The following SCAF11 variants were observed in gnomAD, a reference collection of about 807,000 sequenced individuals.
SCAF11 encodes SR-related CTD associated factor 11.
Under a neutral mutation model 140.5 loss-of-function variants are expected in SCAF11, and 47 were observed. The ratio of observed to expected loss-of-function variants is 0.33; its 90% CI spans 0.26 to 0.43. The LOEUF (loss-of-function observed/expected upper bound fraction) is 0.43. Ranked by LOEUF, SCAF11 falls within the 20% of genes least tolerant of loss-of-function variation. The pLI, the probability that SCAF11 is intolerant of heterozygous loss-of-function variation, is 1.00. For missense variants in SCAF11, 1,645 were observed against 1,705.1 expected (o/e 0.96, Z 0.62); for synonymous variants, 557 against 579.4 (o/e 0.96, Z 0.55).
chr12:45,986,854 G>C (rs755801547), intron 1 of SCAF11, among the ~76,000 whole-genome samples: 1 of 151,882 alleles, frequency 6.6e-6, no homozygotes, highest in Non-Finnish European at 1.5e-5. Context: ...TGTAAGAAGT[G>C]CCCTTCTCCT....
At chr12:45,937,373 G>C (rs1945194196) in intron 6 of SCAF11, among the ~76,000 whole-genome samples, 1 of 152,216 alleles carries the variant, frequency 6.6e-6, no homozygotes, top group South Asian at 2.1e-4. Flanking sequence ...TTCAGGCTTT[G>C]AGGATATTAA....
chr12:45,933,162 A>C lies in SCAF11; in HGVS notation c.703T>G (p.Trp235Gly), dbSNP rs1434998795. The C allele has an allele frequency of 1.2e-6, 2 of 1,611,392 alleles. No individual in the cohort carries two copies. Among genetic ancestry groups the C allele is most frequent in the South Asian group, 1.1e-5 (1 of 90,950 alleles). Reference sequence around the variant, plus strand: ...ATTCCAGGTAATGTATCAGGAAACCATGACAATTCCAGTTCATGTCTCTTC... The same window carrying C: ...ATTCCAGGTAATGTATCAGGAAACCCTGACAATTCCAGTTCATGTCTCTTC... The part of the protein sequence containing the change: ...RQKRHELELS[W>G]FPDTLPGIGR... Residue 235 changes from tryptophan (W) to glycine (G), a missense_variant, in exon 9 of 15, where the codon TGG becomes GGG. This residue lies in a region of SCAF11 where 1,582 missense variants were observed against 1,609.2 expected (regional missense o/e 0.98). Coordinates refer to ENST00000369367, the MANE Select transcript of SCAF11 (RefSeq NM_004719.3).
upstream of SCAF11, among the ~76,000 whole-genome samples, chr12:45,991,186 A>AT (rs1410313948): frequency 1.3e-5 from 2 of 152,134 alleles, no homozygotes; most frequent in Non-Finnish European, 2.9e-5. Flanking sequence ...TCTGGTGGGC[A>AT]TTTTTTTAGA....
At chr12:45,960,072 G>A (rs556363887) in intron 3 of SCAF11, among the ~76,000 whole-genome samples, 80 of 152,030 alleles carry the variant, frequency 5.3e-4, no homozygotes, top group Non-Finnish European at 9.9e-4. Context: ...TATTCAACAA[G>A]AGTTAAAAAT....
chr12:45,950,501 CTACTT>C (rs1209436597), intron 4 of SCAF11, among the ~76,000 whole-genome samples: 9 of 152,138 alleles, frequency 5.9e-5, no homozygotes, highest in Non-Finnish European at 1.3e-4. Flanking sequence ...TATTTGGAAT[CTACTT>C]TACACTAATG....
chr12:45,964,454 TC>T (rs1945895761), intron 1 of SCAF11, among the ~76,000 whole-genome samples: 1 of 152,076 alleles, frequency 6.6e-6, no homozygotes, highest in Non-Finnish European at 1.5e-5. Flanking sequence ...GATCACAAGT[TC>T]AGGAGATCGA....
intron 10 of SCAF11, 41 bp from the exon 11 acceptor site, chr12:45,928,900 T>C (rs1301425823): frequency 2.4e-6 from 3 of 1,231,420 alleles, no homozygotes; most frequent in African/African-American, 1.6e-5. Context: ...AAAAATATGT[T>C]TTAAGAAATA....
Position 45,956,296 on chromosome 12 carries a change from A to C in SCAF11, c.220-4569T>G, listed in dbSNP as rs1465520055. Reference sequence around the variant, plus strand: ...CTGTTTGTGGGAATCTCGAACATCTATCTCTCTACTAACAAAATAGAGCAT... The same window carrying C: ...CTGTTTGTGGGAATCTCGAACATCTCTCTCTCTACTAACAAAATAGAGCAT... On this transcript the variant is annotated intron_variant, in intron 3 of 14. Transcript: ENST00000369367. 23 of 635,308 alleles carry C rather than the reference A, an allele frequency of 3.6e-5. 1 individual carries two copies. The East Asian group carries it at 3.9e-4, about 11-fold the overall frequency. 39.4% of individuals were successfully genotyped at this position (635,308 alleles called of 1,614,324 possible).
chr12:45,972,951 G>GATATAT lies in SCAF11; in HGVS notation c.-21-8769_-21-8764dup, dbSNP rs1364511379. On this transcript the variant is annotated intron_variant, in intron 1 of 14. Coordinates refer to ENST00000369367, the MANE Select transcript of SCAF11 (RefSeq NM_004719.3). ...ATAGATATATATAGATATATATATA[G>GATATAT]ATATATAGATATATATATAGATATA... is the stretch of plus-strand genomic sequence containing the variant. Among the ~76,000 whole-genome samples, 3 of 111,392 alleles carry GATATAT rather than the reference G, an allele frequency of 2.7e-5. 1 individual carries two copies. Among genetic ancestry groups the GATATAT allele is most frequent in the African/African-American group, 1.7e-4 (3 of 17,244 alleles). The allele number at this position is 111,392 out of a possible 152,430, so 73.1% of individuals were successfully genotyped here.
chr12:45,936,088 T>C (rs890036184), intron 6 of SCAF11, among the ~76,000 whole-genome samples: 2 of 152,162 alleles, frequency 1.3e-5, no homozygotes, highest in Non-Finnish European at 2.9e-5. Flanking sequence ...GGCTGTTTCT[T>C]CTAACATTTA....
At position 45,922,897 on chromosome 12, in the gene SCAF11, A is replaced by G. The variant is rs772024177; in HGVS notation, c.4125+39T>C. On this transcript the variant is annotated intron_variant, in intron 13 of 14. Transcript: ENST00000369367. ...GCTGATATTTTTTCTCCTTTATCATATACAGAATTATGAAGGTTGCTCTCA... is the reference window on the plus strand; with the variant it reads ...GCTGATATTTTTTCTCCTTTATCATGTACAGAATTATGAAGGTTGCTCTCA... The G allele has an allele frequency of 8.3e-6, 13 of 1,565,074 alleles. No homozygotes were observed. The South Asian group carries it at 1.1e-4, about 13-fold the overall frequency.
At chr12:45,985,941 T>C (rs1946450841) in intron 1 of SCAF11, among the ~76,000 whole-genome samples, 1 of 152,158 alleles carries the variant, frequency 6.6e-6, no homozygotes, top group Admixed American at 6.5e-5. Context: ...TTGACTTCTA[T>C]CTCCTTGTAA....
intron 3 of SCAF11, chr12:45,961,451 C>G (rs1264497188): frequency 1.6e-6 from 1 of 615,578 alleles, no homozygotes; most frequent in South Asian, 2.1e-5. Flanking sequence ...AAAGTTTGAT[C>G]TGTTCTTCCT....
At position 45,927,362 on chromosome 12, in the gene SCAF11, G is replaced by A. The variant is rs753078309; in HGVS notation, c.2339C>T (p.Thr780Ile). The A allele has an allele frequency of 1.9e-5, 31 of 1,613,902 alleles. No individual in the cohort carries two copies. Among genetic ancestry groups the A allele is most frequent in the Admixed American group, 1.2e-4 (7 of 59,966 alleles). Residue 780 changes from threonine (T) to isoleucine (I), a missense_variant, in exon 11 of 15, where the codon ACC becomes ATC. By Grantham distance (89) the Thr-to-Ile change is moderately conservative. This residue lies in a region of SCAF11 where 1,582 missense variants were observed against 1,609.2 expected (regional missense o/e 0.98). Transcript: ENST00000369367. Reference protein sequence around the residue: ...VSQPSESPKDTIDKTKKPRTR... With the variant: ...VSQPSESPKDIIDKTKKPRTR... ...ACGAGGCTTTTTGGTTTTATCTATGGTATCTTTTGGGCTTTCAGATGGTTG... is the reference window on the plus strand; with the variant it reads ...ACGAGGCTTTTTGGTTTTATCTATGATATCTTTTGGGCTTTCAGATGGTTG...
chr12:45,927,189 C>T lies in SCAF11; in HGVS notation c.2512G>A (p.Glu838Lys). Residue 838 changes from glutamate (E) to lysine (K), a missense_variant, in exon 11 of 15, where the codon GAG (glutamate) becomes AAG (lysine). This residue lies in a region of SCAF11 where 1,582 missense variants were observed against 1,609.2 expected (regional missense o/e 0.98). Coordinates refer to ENST00000369367, the MANE Select transcript of SCAF11 (RefSeq NM_004719.3). ...GATTTTTTCCGGCCTCTGGCTGACT[C>T]ATTCTTAGGAGATGGTGATTGAGAC... ...RKSQSPSPKN[E>K]SARGRKKSRS... The T allele has an allele frequency of 6.2e-7, 1 of 1,614,098 alleles. No homozygotes were observed. Among genetic ancestry groups the T allele is most frequent in the South Asian group, 1.1e-5 (1 of 91,074 alleles).
At chr12:45,937,136 C>A (rs950105158) in intron 6 of SCAF11, among the ~76,000 whole-genome samples, 1 of 151,622 alleles carries the variant, frequency 6.6e-6, no homozygotes, top group African/African-American at 2.4e-5. Context: ...CTTTGTATTA[C>A]TTTTTTAAAA....
Position 45,927,703 on chromosome 12 carries a change from G to A in SCAF11, c.1998C>T (p.Asn666=), listed in dbSNP as rs1365134787. The change falls in exon 11 of 15, where the codon AAC becomes AAT. Residue 666 remains asparagine (N), a synonymous_variant. Coordinates refer to ENST00000369367, the MANE Select transcript of SCAF11 (RefSeq NM_004719.3). The stretch of plus-strand genomic sequence containing the variant: ...TGTTCAGAAGATTATTTTTTAGTAA[G>A]TTATTTTCAGAGTCTTGAATATTAT... ...DFNNIQDSEN[N]LLKNNLLNTK... 3 of 1,611,876 alleles carry A rather than the reference G, an allele frequency of 1.9e-6. No individual in the cohort carries two copies. In the South Asian group the frequency reaches 3.3e-5, roughly 18 times the overall value.
intron 3 of SCAF11, among the ~76,000 whole-genome samples, chr12:45,957,158 T>C (rs1165551374): frequency 6.6e-6 from 1 of 152,192 alleles, no homozygotes; most frequent in Admixed American, 6.5e-5. Flanking sequence ...CACAGGTACA[T>C]TTACATTACC....
chr12:45,944,277 G>A (rs1201934630), intron 6 of SCAF11, among the ~76,000 whole-genome samples: 1 of 152,124 alleles, frequency 6.6e-6, no homozygotes, highest in Non-Finnish European at 1.5e-5. Flanking sequence ...AAAGAAAAAT[G>A]CCTTTTTAAC....
Sources: allele counts gnomAD v4.1 joint callset (sites outside exome capture counted in the v4.1 genomes callset), GRCh38; gene constraint gnomAD v4.1.1; regional missense constraint gnomAD v4.1.1; transcripts MANE v1.5; gene names NCBI Gene and HGNC (gene_info 2026-07-23, HGNC 2026-07-21).